ABCB8: variants seen among roughly 807,000 people sequenced by gnomAD.
ABCB8 encodes mitochondrial potassium channel ATP-binding subunit.
Under a neutral mutation model 73.0 loss-of-function variants are expected in ABCB8, and 52 were observed. The observed-to-expected ratio is 0.71, with a 90% CI of 0.57 to 0.90. The LOEUF (loss-of-function observed/expected upper bound fraction) is 0.90, where lower values mean the gene tolerates loss of function less well. Among genes scored for constraint, ABCB8 ranks in the 40% least tolerant of loss-of-function variants. ABCB8 has a pLI of 0.00. For missense variants in ABCB8, 909 were observed against 974.6 expected, an observed-to-expected ratio of 0.93 and a Z score of 0.90; for synonymous variants, 428 against 423.5, an observed-to-expected ratio of 1.01 and a Z score of -0.13.
At chr7:151,037,564 A>G (rs536305933) in intron 9 of ABCB8, 45 of 543,294 alleles carry the variant, frequency 8.3e-5, no homozygotes, top group Non-Finnish European at 1.3e-4. Context: ...AAATAATGAG[A>G]TAGTAAATAT....
At position 151,042,120 on chromosome 7, in the gene ABCB8, G is replaced by T. The variant is rs1439667007; in HGVS notation, c.1765+12G>T. The T allele has an allele frequency of 1.2e-6, 2 of 1,612,008 alleles. No homozygotes were observed. The highest frequency in any genetic ancestry group is 1.7e-6 in the Non-Finnish European group (2 of 1,179,414). On this transcript the variant is annotated intron_variant, in intron 14 of 15. Coordinates refer to ENST00000358849, the MANE Select transcript of ABCB8 (RefSeq NM_007188.5). ...CAACACGGTCGTCGGTGGGTGCTCG[G>T]GTCTGCCGGGAACCAGGTGGTGAGG...
chr7:151,044,273 G>T, intron 15 of ABCB8, 52 bp downstream of exon 15: 2 of 1,573,796 alleles, frequency 1.3e-6, no homozygotes, highest in South Asian at 1.1e-5. Context: ...CTTCATCACG[G>T]ACAGTGGCAC....
At position 151,047,626 on chromosome 7, in the gene ABCB8, A is replaced by G. The variant is rs1251498268; in HGVS notation, c.*2277A>G. On this transcript the variant is annotated 3_prime_UTR_variant, in exon 16 of 16. Coordinates refer to ENST00000358849, the MANE Select transcript of ABCB8 (RefSeq NM_007188.5). ...GTGCACACGTTTGGCTGGTGGAACC[A>G]TGTTTCTACCACTCATGGTCAAAAA... The G allele has an allele frequency of 6.6e-6, 1 of 152,198 alleles. No homozygotes were observed. The highest frequency in any genetic ancestry group is 1.5e-5 in the Non-Finnish European group (1 of 68,036). 9.4% of individuals were successfully genotyped at this position (152,198 alleles called of 1,614,324 possible).
Position 151,040,808 on chromosome 7 carries a change from G to T in ABCB8, c.1389-20G>T, listed in dbSNP as rs1247482339. On this transcript the variant is annotated intron_variant, in intron 11 of 15. Coordinates refer to ENST00000358849, the MANE Select transcript of ABCB8 (RefSeq NM_007188.5). The stretch of plus-strand genomic sequence containing the variant: ...GGGCTGGGAGCCTGGTCTGACTGGG[G>T]GTCTCTCGGCTCCTCCCAGCTACCC... 6.3e-7 allele frequency: 1 copy of T among 1,586,362 alleles called. No individual in the cohort carries two copies. Among genetic ancestry groups the T allele is most frequent in the Admixed American group, 1.8e-5 (1 of 55,578 alleles).
At chr7:151,031,144 G>A in intron 1 of ABCB8, 2 of 771,934 alleles carry the variant, frequency 2.6e-6, no homozygotes, top group Non-Finnish European at 2.2e-6. Context: ...TCTAATGAGG[G>A]CATGCATGTG....
intron 9 of ABCB8, chr7:151,037,341 C>A: frequency 2.8e-6 from 2 of 702,462 alleles, no homozygotes; most frequent in Non-Finnish European, 5.2e-6. Context: ...AGCTGCCCTT[C>A]CCCATGCCTG....
In ABCB8 at chr7:151,036,447, C is replaced by T. The variant is rs80250064; in HGVS notation, c.1112-97C>T. ...GAAGCCAACGCTGGGACCAGTCATG[C>T]GCCTCACCTGACTCTCCCAGTCAGC... On this transcript the variant is annotated intron_variant, in intron 8 of 15. Coordinates refer to ENST00000358849, the MANE Select transcript of ABCB8 (RefSeq NM_007188.5). 1,809 of 1,144,984 alleles carry T rather than the reference C, an allele frequency of 1.6e-3. 23 individuals are homozygous for T. In the African/African-American group the frequency reaches 0.024, roughly 15 times the overall value. 70.9% of individuals were successfully genotyped at this position (1,144,984 alleles called of 1,614,324 possible).
In ABCB8 at chr7:151,040,914, C is replaced by T. The variant is rs1010326210; in HGVS notation, c.1475C>T (p.Ser492Phe). ...AAGATCGTGGCCCTCGTGGGCCAGTCTGGCGGAGGTAAGGGGAGCCCACCA... is the reference window on the plus strand; with the variant it reads ...AAGATCGTGGCCCTCGTGGGCCAGTTTGGCGGAGGTAAGGGGAGCCCACCA... ...PGKIVALVGQ[S>F]GGGKTTVASL... Residue 492 changes from serine to phenylalanine, a missense_variant, in exon 12 of 16, where the codon TCT becomes TTT. Transcript: ENST00000358849. 16 of 1,604,322 alleles carry T rather than the reference C, an allele frequency of 1.0e-5. No homozygotes were observed. The highest frequency in any genetic ancestry group is 1.4e-5 in the Non-Finnish European group (16 of 1,175,602).
chr7:151,031,390 G>T (rs1796158480), intron 1 of ABCB8: 2 of 1,452,732 alleles, frequency 1.4e-6, no homozygotes, highest in Admixed American at 2.2e-5. Flanking sequence ...CCTCATGTAG[G>T]CAAAAGGCAC....
intron 9 of ABCB8, 184 bp from the exon 10 acceptor site, chr7:151,040,084 C>T (rs1796413268): frequency 3.2e-6 from 2 of 633,832 alleles, no homozygotes; most frequent in South Asian, 4.5e-5. Flanking sequence ...AAGGAGGGAG[C>T]CAGGGCTCAG....
rs569934549 is a variant in ABCB8 at position 151,042,712 on chromosome 7, G to T, written c.1765+604G>T. On this transcript the variant is annotated intron_variant, in intron 14 of 15. Transcript: ENST00000358849. ...TCCAGCCTTCGGGGCCATGTTTCTCGGCCAGTGTCTTGGCTCTGTTGCACA... is the reference window on the plus strand; with the variant it reads ...TCCAGCCTTCGGGGCCATGTTTCTCTGCCAGTGTCTTGGCTCTGTTGCACA... Among the ~76,000 whole-genome samples the T allele has an allele frequency of 2.1e-3, 323 of 152,272 alleles. 5 individuals carry two copies. The South Asian group carries it at 0.025, about 12-fold the overall frequency.
chr7:151,034,807 C>G lies in ABCB8; in HGVS notation c.743C>G (p.Ser248Cys), dbSNP rs752546182. 6.2e-7 allele frequency: 1 copy of G among 1,613,770 alleles called. No homozygotes were observed. Among genetic ancestry groups the G allele is most frequent in the African/African-American group, 1.3e-5 (1 of 74,920 alleles). The change falls in exon 5 of 16, where the codon TCC becomes TGC. Residue 248 changes from serine to cysteine, a missense_variant. By Grantham distance (112) the Ser-to-Cys change is moderately radical. Transcript: ENST00000358849. ...ACTGACGTGCAGGAGTTTAAGTCATCCTTCAAGCTTGTCATCTCCCAGGTC... is the reference window on the plus strand; with the variant it reads ...ACTGACGTGCAGGAGTTTAAGTCATGCTTCAAGCTTGTCATCTCCCAGGTC... Reference protein sequence around the residue: ...LTTDVQEFKSSFKLVISQGLR... With the variant: ...LTTDVQEFKSCFKLVISQGLR...
chr7:151,034,254 C>G lies in ABCB8; in HGVS notation c.409-19C>G. 6.2e-7 allele frequency: 1 copy of G among 1,601,990 alleles called. No individual in the cohort carries two copies. The highest frequency in any genetic ancestry group is 1.1e-5 in the South Asian group (1 of 89,778). ...CTCCCCCACTTAAAACATTTGTGCCCTCTGTCTCCCCATTCCAGCTGGCCT... is the reference window on the plus strand; with the variant it reads ...CTCCCCCACTTAAAACATTTGTGCCGTCTGTCTCCCCATTCCAGCTGGCCT... On this transcript the variant is annotated intron_variant, in intron 2 of 15. Transcript: ENST00000358849.
rs1286206432 is a variant in ABCB8, at chr7:151,043,980, G to A, written c.1775G>A (p.Gly592Asp). ...EGYNTVVGER[G>D]TTLSGGQKQR... ...GCCCCTCCCTTCCCAGGTGAACGGGGCACTACCCTGTCTGGGGGCCAGAAG... is the reference window on the plus strand; with the variant it reads ...GCCCCTCCCTTCCCAGGTGAACGGGACACTACCCTGTCTGGGGGCCAGAAG... Residue 592 changes from glycine (G) to aspartate (D), a missense_variant, in exon 15 of 16, where the codon GGC (glycine) becomes GAC (aspartate). Gly to Asp is a moderately conservative substitution (Grantham distance 94, BLOSUM62 -1). Transcript: ENST00000358849. 6.2e-7 allele frequency: 1 copy of A among 1,612,116 alleles called. No homozygotes were observed.
chr7:151,035,624 T>C lies in ABCB8; in HGVS notation c.809T>C (p.Leu270Pro). 2 of 1,607,392 alleles carry C rather than the reference T, an allele frequency of 1.2e-6. No homozygotes were observed. Among genetic ancestry groups the C allele is most frequent in the Middle Eastern group, 1.7e-4 (1 of 6,046 alleles). Residue 270 changes from leucine (L) to proline (P), a missense_variant, in exon 6 of 16, where the codon CTG (leucine) becomes CCG (proline). By Grantham distance (98) the Leu-to-Pro change is moderately conservative. Transcript: ENST00000358849. ...CTQVAGCLVS[L>P]SMLSTRLTLL... ...CAGGTGGCAGGCTGCCTGGTGTCCCTGTCCATGCTGTCGACACGCCTCACG... is the reference window on the plus strand; with the variant it reads ...CAGGTGGCAGGCTGCCTGGTGTCCCCGTCCATGCTGTCGACACGCCTCACG...
chr7:151,037,257 C>T lies in ABCB8; in HGVS notation c.1217+608C>T. 4 of 703,052 alleles carry T rather than the reference C, an allele frequency of 5.7e-6. No individual in the cohort carries two copies. The South Asian group carries it at 5.9e-5, about 10-fold the overall frequency. 43.6% of individuals were successfully genotyped at this position (703,052 alleles called of 1,614,324 possible). On this transcript the variant is annotated intron_variant, in intron 9 of 15. Coordinates refer to ENST00000358849, the MANE Select transcript of ABCB8 (RefSeq NM_007188.5). ...TGTCCTCAGCTTCCTCCGTGTTGCA[C>T]CCTGTCCGAATTCCCTTCCGCTGCA...
Position 151,045,323 on chromosome 7 carries a change from C to T in ABCB8, c.2131C>T (p.Pro711Ser). ...CCCACCGCCCAAAAAGCCAGAAGGC[C>T]CCAGGAGCCACCAGCACAAGTCCTG... ...AAPPPKKPEG[P>S]RSHQHKS is the part of the protein sequence containing the mutation. Residue 711 changes from proline to serine, a missense_variant, in exon 16 of 16, where the codon CCC (proline) becomes TCC (serine). Physicochemically the swap from Pro to Ser is moderately conservative, Grantham distance 74. Transcript: ENST00000358849. 6.3e-7 allele frequency: 1 copy of T among 1,590,200 alleles called. No individual in the cohort carries two copies. Among genetic ancestry groups the T allele is most frequent in the Non-Finnish European group, 8.6e-7 (1 of 1,168,098 alleles).
At position 151,028,515 on chromosome 7, in the gene ABCB8, C is replaced by T. The variant is rs1191096105; in HGVS notation, c.-1C>T. The T allele has an allele frequency of 4.3e-6, 7 of 1,612,788 alleles. No homozygotes were observed. Among genetic ancestry groups the T allele is most frequent in the Non-Finnish European group, 5.9e-6 (7 of 1,179,596 alleles). ...GGCGGCTCCTGTTTTACCGCGTCAG[C>T]ATGCTGGTGCATTTATTTCGGGTCG... On this transcript the variant is annotated 5_prime_UTR_variant, in exon 1 of 16. Transcript: ENST00000358849.
rs1416962429 is a variant in ABCB8, at chr7:151,046,391, CGCCTGTGGCCCTGA to C, written c.*1044_*1057del. ...GAAGGCAGACATCCTGAGTGATGGG[CGCCTGTGGCCCTGA>C]GACTGTGGATGAGGGGGCTAGGCTC... On this transcript the variant is annotated 3_prime_UTR_variant, in exon 16 of 16. Coordinates refer to ENST00000358849, the MANE Select transcript of ABCB8 (RefSeq NM_007188.5). 6.6e-6 allele frequency: 1 copy of C among 152,308 alleles called. No homozygotes were observed. Among genetic ancestry groups the C allele is most frequent in the Non-Finnish European group, 1.5e-5 (1 of 68,102 alleles). The allele number at this position is 152,308 out of a possible 1,614,324, so 9.4% of individuals were successfully genotyped here. A position where few individuals can be genotyped will look rare whatever the true frequency, so the allele number is the denominator to read the frequency against.
Sources: allele counts gnomAD v4.1 joint callset (sites outside exome capture counted in the v4.1 genomes callset), GRCh38; gene constraint gnomAD v4.1.1; transcripts MANE v1.5; gene names NCBI Gene and HGNC (gene_info 2026-07-23, HGNC 2026-07-21).